The following ZNF141 variants were observed in gnomAD, a reference collection of about 807,000 sequenced individuals.
ZNF141 encodes zinc finger protein 141 (clone pHZ-44).
A neutral mutation model predicts 11.3 loss-of-function variants in ZNF141; 7 were observed. The observed-to-expected ratio is 0.62, with a 90% CI of 0.35 to 1.16. The LOEUF is 1.16. Ranked by LOEUF, ZNF141 falls within the 50% of genes most tolerant of loss-of-function variation. The probability of loss-of-function intolerance (pLI) is 0.02; values close to 1 mark genes in which losing one functional copy is unlikely to be tolerated. For synonymous variants in ZNF141, 183 were observed against 190.7 expected (o/e 0.96, Z 0.33); for missense variants, 535 against 554.0 (o/e 0.97, Z 0.34).
At chr4:364,609 T>C (rs184973357) in intron 3 of ZNF141, among the ~76,000 whole-genome samples, 1 of 152,332 alleles carries the variant, frequency 6.6e-6, no homozygotes, top group South Asian at 2.1e-4. Context: ...TTTATTACTC[T>C]TGCTAGAGTC....
At position 353,310 on chromosome 4, in the gene ZNF141, G is replaced by GGCT. The variant is rs147889164; in HGVS notation, c.226+8885_226+8887dup. 5.3e-3 allele frequency among the ~76,000 whole-genome samples: 798 copies of GGCT among 151,316 alleles called. 6 individuals carry two copies. Among genetic ancestry groups the GGCT allele is most frequent in the African/African-American group, 0.019 (767 of 41,148 alleles). ...GATTGCTTGAACCCTCAGAGGTCAA[G>GGCT]GCTGCTGTGACCTGAGATCATGCCA... On this transcript the variant is annotated intron_variant, in intron 3 of 3. Coordinates refer to ENST00000240499, the MANE Select transcript of ZNF141 (RefSeq NM_003441.4).
intron 3 of ZNF141, among the ~76,000 whole-genome samples, chr4:347,088 A>G (rs1721365198): frequency 7.0e-6 from 1 of 143,856 alleles, no homozygotes; most frequent in African/African-American, 2.6e-5. Flanking sequence ...CCCAGGCTGG[A>G]GTGCAGTGGC....
intron 3 of ZNF141, among the ~76,000 whole-genome samples, chr4:347,103 T>A (rs1721366669): frequency 6.6e-6 from 1 of 150,910 alleles, no homozygotes; most frequent in African/African-American, 2.4e-5. Context: ...AGTGGCACGC[T>A]GTTGGCTCAC....
chr4:339,574 T>C (rs1267241905), intron 1 of ZNF141, among the ~76,000 whole-genome samples: 7 of 152,268 alleles, frequency 4.6e-5, no homozygotes, highest in Admixed American at 6.5e-5. Flanking sequence ...AGAGGCTTAA[T>C]GCTTTCTCTT....
At position 337,814 on chromosome 4, in the gene ZNF141, G is replaced by C. The variant is rs1720852876; in HGVS notation, c.-170G>C. On this transcript the variant is annotated 5_prime_UTR_variant, in exon 1 of 4. Coordinates refer to ENST00000240499, the MANE Select transcript of ZNF141 (RefSeq NM_003441.4). ...CGGTGGCTTCCGGGATGTGGCGCGG[G>C]TCTTTGCGTCTGGCTACTACCAGAC... 1 of 783,222 alleles carries C rather than the reference G, an allele frequency of 1.3e-6. No homozygotes were observed. The highest frequency in any genetic ancestry group is 3.0e-5 in the East Asian group (1 of 33,414). 48.5% of individuals were successfully genotyped at this position (783,222 alleles called of 1,614,324 possible). A position where few individuals can be genotyped will look rare whatever the true frequency, so the allele number is the denominator to read the frequency against.
intron 3 of ZNF141, among the ~76,000 whole-genome samples, chr4:346,859 A>C (rs559188771): frequency 6.9e-6 from 1 of 145,278 alleles, no homozygotes; most frequent in African/African-American, 2.7e-5. Context: ...ATGTATATAC[A>C]TGTATGTATA....
At chr4:369,764 A>ATATATATTTTTTTTT in intron 3 of ZNF141, among the ~76,000 whole-genome samples, 6 of 48,720 alleles carry the variant, frequency 1.2e-4, no homozygotes, top group African/African-American at 8.5e-4. Context: ...ATATATATAT[A>ATATATATTTTTTTTT]TTTTTTTTTT....
At chr4:369,760 A>ATTTTTTTTTTTTTTT (rs1240893040) in intron 3 of ZNF141, among the ~76,000 whole-genome samples, 2 of 34,070 alleles carry the variant, frequency 5.9e-5, no homozygotes, top group African/African-American at 4.0e-4. Context: ...ATATATATAT[A>ATTTTTTTTTTTTTTT]TATATTTTTT....
At chr4:372,105 T>C (rs1712096211) in intron 3 of ZNF141, among the ~76,000 whole-genome samples, 1 of 152,252 alleles carries the variant, frequency 6.6e-6, no homozygotes, top group South Asian at 2.1e-4. Context: ...CTTAACAGTC[T>C]CTAATCACTT....
chr4:374,167 C>A lies in ZNF141; in HGVS notation c.*305C>A. 2.7e-6 allele frequency: 1 copy of A among 374,380 alleles called. No homozygotes were observed. The highest frequency in any genetic ancestry group is 5.0e-6 in the Non-Finnish European group (1 of 201,530). The allele number at this position is 374,380 out of a possible 1,614,324, so 23.2% of individuals were successfully genotyped here. On this transcript the variant is annotated 3_prime_UTR_variant, in exon 4 of 4. Coordinates refer to ENST00000240499, the MANE Select transcript of ZNF141 (RefSeq NM_003441.4). The stretch of plus-strand genomic sequence containing the variant: ...AACAAAACCTTTAAACAGCCCTCAC[C>A]GGTGAATAAACATAAGAAAAATCAT...
rs1553854457 is a variant in ZNF141 at position 375,599 on chromosome 4, G to A, written c.*1737G>A. Among the ~76,000 whole-genome samples, 1 of 151,914 alleles carries A rather than the reference G, an allele frequency of 6.6e-6. No individual in the cohort carries two copies. Among genetic ancestry groups the A allele is most frequent in the African/African-American group, 2.4e-5 (1 of 41,402 alleles). On this transcript the variant is annotated 3_prime_UTR_variant, in exon 4 of 4. Coordinates refer to ENST00000240499, the MANE Select transcript of ZNF141 (RefSeq NM_003441.4). ...GTATTAAGTATTAAAAAAATCCAAA[G>A]TTGAACCTATTAGAGAATTTCTTTG...
chr4:358,249 A>C (rs1263337993), intron 3 of ZNF141: 2 of 378,062 alleles, frequency 5.3e-6, no homozygotes, highest in African/African-American at 2.4e-5. Flanking sequence ...GTGCAATGGC[A>C]CGATCTTGGC....
intron 1 of ZNF141, chr4:338,317 C>T (rs570972227): frequency 8.8e-6 from 3 of 341,554 alleles, no homozygotes; most frequent in African/African-American, 4.4e-5. Context: ...TCTGGGGATC[C>T]CGTCCCTGCT....
At position 337,816 on chromosome 4, in the gene ZNF141, C is replaced by G; in HGVS notation, c.-168C>G. On this transcript the variant is annotated 5_prime_UTR_variant, in exon 1 of 4. Coordinates refer to ENST00000240499, the MANE Select transcript of ZNF141 (RefSeq NM_003441.4). ...GTGGCTTCCGGGATGTGGCGCGGGT[C>G]TTTGCGTCTGGCTACTACCAGACCG... 3 of 813,116 alleles carry G rather than the reference C, an allele frequency of 3.7e-6. No homozygotes were observed. The allele number at this position is 813,116 out of a possible 1,614,324, so 50.4% of individuals were successfully genotyped here.
intron 3 of ZNF141, among the ~76,000 whole-genome samples, chr4:355,106 GT>G (rs1260924225): frequency 6.6e-6 from 1 of 151,158 alleles, no homozygotes; most frequent in African/African-American, 2.4e-5. Flanking sequence ...ATTTTTAATC[GT>G]TATATTCTTT....
In ZNF141 at chr4:337,960, C is replaced by G; in HGVS notation, c.-24C>G. ...TATTGGATGATTGGTAGCTAAGACT[C>G]CCGAATACTTCAGAAGTGGGGAAAT... On this transcript the variant is annotated 5_prime_UTR_variant, in exon 1 of 4. Coordinates refer to ENST00000240499, the MANE Select transcript of ZNF141 (RefSeq NM_003441.4). 1.2e-6 allele frequency: 2 copies of G among 1,612,936 alleles called. No homozygotes were observed. Among genetic ancestry groups the G allele is most frequent in the Admixed American group, 1.7e-5 (1 of 59,992 alleles).
rs1394781710 is a variant in ZNF141, at chr4:361,274, G to A, written c.227-11390G>A. Among the ~76,000 whole-genome samples the A allele has an allele frequency of 4.6e-5, 7 of 150,874 alleles. No homozygotes were observed. In the South Asian group the frequency reaches 1.3e-3, roughly 27 times the overall value. On this transcript the variant is annotated intron_variant, in intron 3 of 3. Transcript: ENST00000240499. ...TTTTACTTACTGTTTCTATACTTTT[G>A]GCTGATTTTTATATTTGTATCACTA... is the stretch of plus-strand genomic sequence containing the variant.
chr4:379,811 A>G lies in ZNF141; in HGVS notation c.*5949A>G, dbSNP rs1359413525. On this transcript the variant is annotated 3_prime_UTR_variant, in exon 4 of 4. Coordinates refer to ENST00000240499, the MANE Select transcript of ZNF141 (RefSeq NM_003441.4). ...ATATTTGTTAATTGACAGATAAAATATCCTGTAGAATATGGTGTTTTGTAG... is the reference window on the plus strand; with the variant it reads ...ATATTTGTTAATTGACAGATAAAATGTCCTGTAGAATATGGTGTTTTGTAG... Among the ~76,000 whole-genome samples, 2 of 152,274 alleles carry G rather than the reference A, an allele frequency of 1.3e-5. No homozygotes were observed. Among genetic ancestry groups the G allele is most frequent in the African/African-American group, 2.4e-5 (1 of 41,482 alleles).
At position 377,438 on chromosome 4, in the gene ZNF141, G is replaced by C. The variant is rs1553854811; in HGVS notation, c.*3576G>C. 6.6e-6 allele frequency among the ~76,000 whole-genome samples: 1 copy of C among 152,064 alleles called. No individual in the cohort carries two copies. Among genetic ancestry groups the C allele is most frequent in the Non-Finnish European group, 1.5e-5 (1 of 68,012 alleles). On this transcript the variant is annotated 3_prime_UTR_variant, in exon 4 of 4. Transcript: ENST00000240499. ...ACCAACTCATTATGAATGTAAAGAG[G>C]ATTTCTTTTCTTATTTTCTAATTAT...
Sources: allele counts gnomAD v4.1 joint callset (sites outside exome capture counted in the v4.1 genomes callset), GRCh38; gene constraint gnomAD v4.1.1; transcripts MANE v1.5; gene names NCBI Gene and HGNC (gene_info 2026-07-23, HGNC 2026-07-21).